HBS1L: variants seen among roughly 807,000 people sequenced by gnomAD.
HBS1L encodes the protein HBS1-like protein.
Under a neutral mutation model 88.9 loss-of-function variants are expected in HBS1L, and 55 were observed. That is an observed-to-expected ratio of 0.62 (90% CI 0.50 to 0.77). The LOEUF is 0.77. Ranked by LOEUF, HBS1L falls within the 30% of genes least tolerant of loss-of-function variation. HBS1L has a pLI of 0.00. For missense variants in HBS1L, 741 were observed against 829.3 expected (o/e 0.89, Z 1.31); for synonymous variants, 267 against 288.5 (o/e 0.93, Z 0.76).
chr6:135,041,061 A>G (rs1583153482), intron 3 of HBS1L, among the ~76,000 whole-genome samples: 2 of 152,308 alleles, frequency 1.3e-5, no homozygotes, highest in East Asian at 3.9e-4. Context: ...TCCCTATTCC[A>G]CAAAACCATT....
At chr6:135,029,080 T>C (rs1776315602) in intron 4 of HBS1L, among the ~76,000 whole-genome samples, 1 of 152,094 alleles carries the variant, frequency 6.6e-6, no homozygotes, top group Non-Finnish European at 1.5e-5. Context: ...GGGATTCCTA[T>C]GTTAGCCCTT....
intron 2 of HBS1L, among the ~76,000 whole-genome samples, chr6:135,047,085 A>G (rs994829013): frequency 6.6e-6 from 1 of 152,238 alleles, no homozygotes; most frequent in Non-Finnish European, 1.5e-5. Context: ...AGTAACTCTC[A>G]GAGTCAGACT....
At chr6:135,035,891 G>A (rs867566409) in intron 4 of HBS1L, 1 of 671,240 alleles carries the variant, frequency 1.5e-6, no homozygotes, top group Non-Finnish European at 1.8e-6. Flanking sequence ...ATTTTAAAGT[G>A]TATACTTAGG....
chr6:135,009,534 T>TA lies in HBS1L; in HGVS notation c.431-6693dup, dbSNP rs949187573. Among the ~76,000 whole-genome samples the TA allele has an allele frequency of 3.3e-5, 5 of 152,216 alleles. No homozygotes were observed. The East Asian group carries it at 9.6e-4, about 29-fold the overall frequency. On this transcript the variant is annotated intron_variant, in intron 4 of 17. Transcript: ENST00000367837. ...ATACTTTTAAAGACTATATAAAGTT[T>TA]AAAAAAATGGCTTTTTTCAAAAAAA...
chr6:135,002,658 CTT>C, intron 5 of HBS1L, 74 bp downstream of exon 5: 8 of 761,914 alleles, frequency 1.0e-5, no homozygotes, highest in Non-Finnish European at 1.8e-5. Flanking sequence ...GAAACAGTCT[CTT>C]TCTTACAGAA....
chr6:134,995,232 T>G (rs1289400421), intron 7 of HBS1L, among the ~76,000 whole-genome samples: 1 of 152,072 alleles, frequency 6.6e-6, no homozygotes, highest in Non-Finnish European at 1.5e-5. Context: ...GTCACTCAAT[T>G]TACTAATTTC....
chr6:135,012,294 T>C (rs1218491371), intron 4 of HBS1L, among the ~76,000 whole-genome samples: 1 of 152,156 alleles, frequency 6.6e-6, no homozygotes, highest in Non-Finnish European at 1.5e-5. Context: ...TAAAATATAA[T>C]ATAGCAATGG....
chr6:134,987,835 T>A (rs1351312910), intron 8 of HBS1L, 44 bp from the exon 9 acceptor site: 1 of 1,514,622 alleles, frequency 6.6e-7, no homozygotes, highest in Admixed American at 2.1e-5. Flanking sequence ...TGTTTCAGCA[T>A]TTTAATTCAA....
At chr6:135,046,619 A>G (rs6908512) in intron 2 of HBS1L, among the ~76,000 whole-genome samples, 79,598 of 152,052 alleles carry the variant, frequency 0.52, 20,974 homozygotes, top group South Asian at 0.56. Flanking sequence ...GGCACTTTGG[A>G]AGGCCGACAC....
At chr6:135,029,799 T>C (rs1048204812) in intron 4 of HBS1L, among the ~76,000 whole-genome samples, 2 of 152,186 alleles carry the variant, frequency 1.3e-5, no homozygotes, top group African/African-American at 4.8e-5. Context: ...AGGTAGCTGT[T>C]AAGAAAGAAT....
chr6:135,006,135 C>G (rs1272938554), intron 4 of HBS1L, among the ~76,000 whole-genome samples: 3 of 151,954 alleles, frequency 2.0e-5, no homozygotes, highest in African/African-American at 7.2e-5. Context: ...AGTTAAGAAT[C>G]TATCCAACAG....
chr6:134,993,254 A>G (rs1234590961), intron 8 of HBS1L, among the ~76,000 whole-genome samples: 2 of 152,154 alleles, frequency 1.3e-5, no homozygotes, highest in Non-Finnish European at 2.9e-5. Flanking sequence ...TGCAAATTAT[A>G]TTTGATTTTT....
intron 5 of HBS1L, 73 bp from the exon 6 acceptor site, chr6:134,997,729 G>C: frequency 1.5e-6 from 2 of 1,372,970 alleles, no homozygotes; most frequent in Non-Finnish European, 2.1e-6. Context: ...GAAGGGCAGA[G>C]AAACTGTTTC....
At chr6:135,022,400 T>TG in intron 4 of HBS1L, among the ~76,000 whole-genome samples, 1 of 152,244 alleles carries the variant, frequency 6.6e-6, no homozygotes, top group South Asian at 2.1e-4. Flanking sequence ...TGGTATCAGC[T>TG]GTTCATGAAG....
At chr6:135,040,332 A>G (rs1776690847) in intron 3 of HBS1L, among the ~76,000 whole-genome samples, 1 of 140,780 alleles carries the variant, frequency 7.1e-6, no homozygotes, top group Non-Finnish European at 1.5e-5. Flanking sequence ...GATTAAGGGG[A>G]GGATAGGCAT....
intron 16 of HBS1L, among the ~76,000 whole-genome samples, chr6:134,967,420 G>A (rs1774347735): frequency 6.6e-6 from 1 of 152,104 alleles, no homozygotes; most frequent in African/African-American, 2.4e-5. Context: ...ATACATAAAT[G>A]GCTTGTTCCT....
chr6:134,987,751 T>C lies in HBS1L; in HGVS notation c.1124A>G (p.Glu375Gly). ...TCCAGTCTCAAATCCAGCTTCAAAC[T>C]CTCCCCTGCTGGCATCTACAACTAA... ...AVLVVDASRGEFEAGFETGGQ... is the reference protein window; with the variant it reads ...AVLVVDASRGGFEAGFETGGQ... Residue 375 changes from glutamate to glycine, a missense_variant, in exon 9 of 18, where the codon GAG becomes GGG. Physicochemically the swap from Glu to Gly is moderately conservative, Grantham distance 98. Transcript: ENST00000367837. 1 of 1,602,354 alleles carries C rather than the reference T, an allele frequency of 6.2e-7. No individual in the cohort carries two copies. The highest frequency in any genetic ancestry group is 1.3e-5 in the African/African-American group (1 of 74,332).
chr6:135,000,270 G>C (rs1259865315), intron 5 of HBS1L, among the ~76,000 whole-genome samples: 1 of 142,280 alleles, frequency 7.0e-6, no homozygotes, highest in East Asian at 2.0e-4. Context: ...TATATTGCCC[G>C]AGCTGGTCTT....
chr6:135,037,420 A>G (rs1408663539), intron 4 of HBS1L: 14 of 1,549,962 alleles, frequency 9.0e-6, no homozygotes, highest in Admixed American at 5.9e-5. Flanking sequence ...AACATTTCCA[A>G]CTTCAGTTTC....
Sources: gnomAD v4.1 joint callset for allele counts (sites outside exome capture counted in the v4.1 genomes callset) on GRCh38, gnomAD v4.1.1 for gene constraint, MANE v1.5 for transcripts, NCBI Gene and HGNC (gene_info 2026-07-23, HGNC 2026-07-21) for gene names.